Variants in DIAPH1 observed in about 807,000 individuals in gnomAD.
DIAPH1 encodes protein diaphanous homolog 1.
A neutral mutation model predicts 140.7 loss-of-function variants in DIAPH1; 46 were observed. The observed-to-expected ratio is 0.33, with a 90% CI of 0.26 to 0.42. DIAPH1 has a LOEUF of 0.42. DIAPH1 is among the 10% of genes least tolerant of loss of function. The pLI, the probability that DIAPH1 is intolerant of heterozygous loss-of-function variation, is 1.00. For missense variants in DIAPH1, 1,310 were observed against 1,558.7 expected, an observed-to-expected ratio of 0.84 and a Z score of 2.69; for synonymous variants, 565 against 551.6, an observed-to-expected ratio of 1.02 and a Z score of -0.34.
At position 141,565,619 on chromosome 5, in the gene DIAPH1, G is replaced by A. The variant is rs1430158975; in HGVS notation, c.2482+5809C>T. On this transcript the variant is annotated intron_variant, in intron 18 of 27. Transcript: ENST00000389054. This position sits in a 1 kb window ranked among gnomAD's most constrained non-coding sequence, Gnocchi z 4.3. The stretch of plus-strand genomic sequence containing the variant: ...TGATTGCTTCAATTTTGTCAGTGAA[G>A]TAGAAAGAAAACATCCCCAACTGAG... Among the ~76,000 whole-genome samples, 2 of 152,184 alleles carry A rather than the reference G, an allele frequency of 1.3e-5. No individual in the cohort carries two copies. Among genetic ancestry groups the A allele is most frequent in the Non-Finnish European group, 2.9e-5 (2 of 68,032 alleles).
intron 18 of DIAPH1, among the ~76,000 whole-genome samples, chr5:141,549,703 CA>C (rs1369041036): frequency 2.0e-5 from 3 of 151,762 alleles, no homozygotes; most frequent in Non-Finnish European, 4.4e-5. Flanking sequence ...AAAAGATAAC[CA>C]AAAAATACCC....
rs747959763 is a variant in DIAPH1 at position 141,529,700 on chromosome 5, G to T, written c.2582-3C>A. 1.2e-6 allele frequency: 2 copies of T among 1,612,804 alleles called. No individual in the cohort carries two copies. The highest frequency in any genetic ancestry group is 2.2e-5 in the South Asian group (2 of 91,050). ...GCGGAAGGAACCCAAAAAGATTGCT[G>T]CCAGAAAATGAGATATTAAGACATG... On this transcript the variant is annotated splice_region_variant and splice_polypyrimidine_tract_variant and intron_variant, in intron 19 of 27. Transcript: ENST00000389054.
intron 18 of DIAPH1, among the ~76,000 whole-genome samples, chr5:141,554,806 TCAA>T (rs1188991676): frequency 2.0e-5 from 3 of 152,120 alleles, no homozygotes; most frequent in Non-Finnish European, 2.9e-5. Context: ...TATGATCATC[TCAA>T]CAATACAAAA....
intron 1 of DIAPH1, among the ~76,000 whole-genome samples, chr5:141,600,596 G>A (rs2099899993): frequency 1.3e-5 from 2 of 152,166 alleles, no homozygotes; most frequent in South Asian, 4.1e-4. Context: ...ATGATTTTGA[G>A]CAAACATGCT....
intron 18 of DIAPH1, among the ~76,000 whole-genome samples, chr5:141,568,993 T>C (rs752436184): frequency 2.0e-5 from 3 of 152,002 alleles, no homozygotes; most frequent in Non-Finnish European, 4.4e-5. Context: ...TTCTCTTTTA[T>C]AACCCTAAAT....
rs545897127 is a variant in DIAPH1, at chr5:141,618,739, G to A, written c.117+59C>T. ...CGGGCAGGCGCCCCAGGGGCCGGCTGCAGGGGTCCAGAGGGCGGTTACGGG... is the reference window on the plus strand; with the variant it reads ...CGGGCAGGCGCCCCAGGGGCCGGCTACAGGGGTCCAGAGGGCGGTTACGGG... On this transcript the variant is annotated intron_variant, in intron 1 of 27. Coordinates refer to ENST00000389054, the MANE Select transcript of DIAPH1 (RefSeq NM_005219.5). 3.9e-6 allele frequency: 5 copies of A among 1,271,100 alleles called. No homozygotes were observed. In the Admixed American group the frequency reaches 6.2e-5, roughly 16 times the overall value. 78.7% of individuals were successfully genotyped at this position (1,271,100 alleles called of 1,614,324 possible).
At position 141,546,600 on chromosome 5, in the gene DIAPH1, G is replaced by A. The variant is rs113435019; in HGVS notation, c.2483-12167C>T. On this transcript the variant is annotated intron_variant, in intron 18 of 27. Coordinates refer to ENST00000389054, the MANE Select transcript of DIAPH1 (RefSeq NM_005219.5). ...GAACCCGAGAGGTGGAAGTTGCTGT[G>A]AGCTGAGATCGTGCCACTGCACTCC... Among the ~76,000 whole-genome samples the A allele has an allele frequency of 1.9e-3, 292 of 150,886 alleles. 1 individual carries two copies. The highest frequency in any genetic ancestry group is 3.6e-3 in the Non-Finnish European group (243 of 67,840).
chr5:141,566,669 T>C (rs2099894417), intron 18 of DIAPH1, among the ~76,000 whole-genome samples: 1 of 151,816 alleles, frequency 6.6e-6, no homozygotes, highest in Non-Finnish European at 1.5e-5. Flanking sequence ...CCAAGATGGG[T>C]GGATCACCTG....
intron 16 of DIAPH1, among the ~76,000 whole-genome samples, chr5:141,572,447 AACTC>A: frequency 6.6e-6 from 1 of 152,318 alleles, no homozygotes; most frequent in East Asian, 1.9e-4. Flanking sequence ...GAAAAAGGCT[AACTC>A]ACTCAGAATC....
At chr5:141,571,528 T>C (rs924057376) in intron 17 of DIAPH1, 92 bp from the exon 18 acceptor site, 15 of 1,143,884 alleles carry the variant, frequency 1.3e-5, no homozygotes, top group Non-Finnish European at 1.8e-5. Flanking sequence ...CTTGTTACTG[T>C]AGACAGTCAC....
At chr5:141,578,489 C>A in intron 10 of DIAPH1, 26 bp downstream of exon 10, 1 of 1,589,220 alleles carries the variant, frequency 6.3e-7, no homozygotes. Flanking sequence ...CCAGTCTAGC[C>A]TTTCTAATGA....
intron 18 of DIAPH1, among the ~76,000 whole-genome samples, chr5:141,558,122 ATT>A (rs1038581051): frequency 1.3e-5 from 2 of 152,156 alleles, no homozygotes. Context: ...GTCCAAGTTA[ATT>A]TTGTCACAAA....
In DIAPH1 at chr5:141,528,817, C is replaced by T. The variant is rs373654027; in HGVS notation, c.2903G>A (p.Arg968His). Reference protein sequence around the residue: ...VSVTAACEELRKSESFSNLLE... With the variant: ...VSVTAACEELHKSESFSNLLE... ...GAGATTGGAAAAGCTCTCACTCTTA[C>T]GTAACTCCTCACATGCAGCAGTGAC... is the stretch of plus-strand genomic sequence containing the variant. The change falls in exon 22 of 28, where the codon CGT (arginine) becomes CAT (histidine). Residue 968 changes from arginine (R) to histidine (H), a missense_variant. This residue lies in a region of DIAPH1 where 344 missense variants were observed against 512.2 expected (regional missense o/e 0.67). Transcript: ENST00000389054. 1.5e-5 allele frequency: 25 copies of T among 1,614,238 alleles called. No individual in the cohort carries two copies. In the East Asian group the frequency reaches 1.6e-4, roughly 10 times the overall value.
chr5:141,577,416 G>T, intron 12 of DIAPH1, 59 bp downstream of exon 12: 1 of 1,164,262 alleles, frequency 8.6e-7, no homozygotes, highest in Non-Finnish European at 1.3e-6. Flanking sequence ...TGAATTTAAG[G>T]AATTCACTCT....
At chr5:141,563,716 T>C (rs1226292173) in intron 18 of DIAPH1, 2 of 152,312 alleles carry the variant, frequency 1.3e-5, no homozygotes, top group East Asian at 3.9e-4. Flanking sequence ...TATATGTTTC[T>C]AGAAAAGAGT....
chr5:141,574,262 G>A (rs946308957), intron 15 of DIAPH1, 54 bp from the exon 16 acceptor site: 26 of 1,565,640 alleles, frequency 1.7e-5, no homozygotes, highest in Non-Finnish European at 2.2e-5. Context: ...GGGACTACTG[G>A]GACTGGAAGG....
At chr5:141,603,604 C>G (rs2099900492) in intron 1 of DIAPH1, among the ~76,000 whole-genome samples, 1 of 152,104 alleles carries the variant, frequency 6.6e-6, no homozygotes, top group Non-Finnish European at 1.5e-5. Context: ...TAACTGTAGT[C>G]CATTCTGTAT....
At chr5:141,536,362 C>T (rs904074956) in intron 18 of DIAPH1, among the ~76,000 whole-genome samples, 1 of 152,140 alleles carries the variant, frequency 6.6e-6, no homozygotes, top group African/African-American at 2.4e-5. Context: ...ATACTAAATA[C>T]ACAAAGATTA....
At chr5:141,576,699 T>C (rs2099896010) in intron 13 of DIAPH1, 57 bp downstream of exon 13, 1 of 1,179,360 alleles carries the variant, frequency 8.5e-7, no homozygotes, top group East Asian at 2.3e-5. Flanking sequence ...TGAAACAAGA[T>C]GCAAAATGAA....
Sources: gnomAD v4.1 joint callset for allele counts (sites outside exome capture counted in the v4.1 genomes callset) on GRCh38, gnomAD v4.1.1 for gene constraint, gnomAD v4.1.1 regional missense constraint, Gnocchi (gnomAD v3.1) non-coding constraint, MANE v1.5 for transcripts, NCBI Gene and HGNC (gene_info 2026-07-23, HGNC 2026-07-21) for gene names.